The following TRDMT1 variants were observed in gnomAD, a reference collection of about 807,000 sequenced individuals.
TRDMT1 encodes the protein tRNA aspartic acid methyltransferase 1, also known as tRNA (cytosine(38)-C(5))-methyltransferase.
In TRDMT1, 49 loss-of-function variants were observed where a neutral mutation model predicts 51.2. That is an observed-to-expected ratio of 0.96 (90% CI 0.76 to 1.21). TRDMT1 has a LOEUF of 1.21. TRDMT1 is among the 50% of genes most tolerant of loss of function. The pLI is 0.00. For synonymous variants in TRDMT1, 187 were observed against 164.6 expected, an observed-to-expected ratio of 1.14 and a Z score of -1.04; for missense variants, 534 against 462.3, an observed-to-expected ratio of 1.16 and a Z score of -1.42.
At chr10:17,162,002 T>C (rs1228765953) in intron 4 of TRDMT1, among the ~76,000 whole-genome samples, 164 bp downstream of exon 4, 1 of 152,190 alleles carries the variant, frequency 6.6e-6, no homozygotes, top group Non-Finnish European at 1.5e-5. Context: ...GTGAAACATT[T>C]GCAGTTACTC....
At chr10:17,191,451 C>T (rs10490958) in intron 1 of TRDMT1, among the ~76,000 whole-genome samples, 41,373 of 152,082 alleles carry the variant, frequency 0.27, 5,913 homozygotes, top group Middle Eastern at 0.37. Flanking sequence ...GATGCTTTAT[C>T]TGGAAGGAAA....
chr10:17,144,060 G>A lies in TRDMT1; in HGVS notation c.*4980C>T, dbSNP rs974566278. The A allele has an allele frequency of 1.0e-6, 1 of 985,342 alleles. No individual in the cohort carries two copies. Among genetic ancestry groups the A allele is most frequent in the Non-Finnish European group, 1.2e-6 (1 of 829,956 alleles). 61.0% of individuals were successfully genotyped at this position (985,342 alleles called of 1,614,324 possible). A position where few individuals can be genotyped will look rare whatever the true frequency, so the allele number is the denominator to read the frequency against. On this transcript the variant is annotated 3_prime_UTR_variant, in exon 11 of 11. Coordinates refer to ENST00000377799, the MANE Select transcript of TRDMT1 (RefSeq NM_004412.7). ...GCAAAATGGCTGAAGTTGTAGGAAA[G>A]GGTGAGAATCTCTAAGAAAAATGGC...
intron 1 of TRDMT1, among the ~76,000 whole-genome samples, chr10:17,176,819 C>A (rs574471693): frequency 3.3e-5 from 5 of 152,232 alleles, no homozygotes; most frequent in African/African-American, 4.8e-5. Context: ...TCTTAGTATA[C>A]AGTTTAAATC....
chr10:17,163,587 G>T (rs1840732519), intron 3 of TRDMT1, among the ~76,000 whole-genome samples: 1 of 152,014 alleles, frequency 6.6e-6, no homozygotes, highest in Admixed American at 6.6e-5. Flanking sequence ...CCAGGAGCTG[G>T]TTTTTTGAAA....
intron 8 of TRDMT1, among the ~76,000 whole-genome samples, chr10:17,155,749 G>GA (rs1298094840): frequency 6.6e-6 from 1 of 151,982 alleles, no homozygotes; most frequent in African/African-American, 2.4e-5. Context: ...GAATTAGAGG[G>GA]AAAAAGTCAA....
intron 8 of TRDMT1, among the ~76,000 whole-genome samples, chr10:17,157,175 C>T (rs192188611): frequency 1.3e-3 from 202 of 152,212 alleles, no homozygotes; most frequent in Middle Eastern, 3.4e-3. Context: ...GTCTCCACTA[C>T]GGGTATTTAA....
At chr10:17,174,730 C>T (rs772277373) in intron 1 of TRDMT1, 70 bp from the exon 2 acceptor site, 132 of 1,139,786 alleles carry the variant, frequency 1.2e-4, no homozygotes, top group Middle Eastern at 5.8e-4. Flanking sequence ...ATCAAAATAG[C>T]AGAATTTAGT....
intron 1 of TRDMT1, among the ~76,000 whole-genome samples, chr10:17,188,270 G>A (rs1447552659): frequency 6.6e-6 from 1 of 152,076 alleles, no homozygotes. Flanking sequence ...TATAATTCCA[G>A]GTAATATCTT....
Position 17,148,719 on chromosome 10 carries a change from T to C in TRDMT1, c.*321A>G. On this transcript the variant is annotated 3_prime_UTR_variant, in exon 11 of 11. Coordinates refer to ENST00000377799, the MANE Select transcript of TRDMT1 (RefSeq NM_004412.7). ...CCTGTTATGACACTTCACAAGATAC[T>C]CATGTAGACACTAAAGCTCTAGTGC... is the stretch of plus-strand genomic sequence containing the variant. The C allele has an allele frequency of 1.0e-6, 1 of 998,976 alleles. No individual in the cohort carries two copies. The highest frequency in any genetic ancestry group is 1.2e-6 in the Non-Finnish European group (1 of 838,748). 61.9% of individuals were successfully genotyped at this position (998,976 alleles called of 1,614,324 possible). A position where few individuals can be genotyped will look rare whatever the true frequency, so the allele number is the denominator to read the frequency against.
chr10:17,158,971 A>G (rs1001860389), intron 7 of TRDMT1, among the ~76,000 whole-genome samples, 175 bp downstream of exon 7: 2 of 152,140 alleles, frequency 1.3e-5, no homozygotes, highest in African/African-American at 4.8e-5. Context: ...TAAAACAATA[A>G]AAGTGGCAAG....
intron 9 of TRDMT1, among the ~76,000 whole-genome samples, chr10:17,154,364 T>C (rs574084774): frequency 2.6e-5 from 4 of 152,262 alleles, no homozygotes; most frequent in Admixed American, 2.0e-4. Context: ...AAGATGTTTG[T>C]ACAACATTTT....
intron 6 of TRDMT1, 30 bp from the exon 7 acceptor site, chr10:17,159,259 C>G (rs376227756): frequency 1.3e-6 from 2 of 1,530,364 alleles, no homozygotes; most frequent in African/African-American, 2.8e-5. Context: ...GTTAGTTACT[C>G]TAAAAAATTA....
intron 1 of TRDMT1, among the ~76,000 whole-genome samples, chr10:17,186,878 C>T (rs1844007224): frequency 3.3e-5 from 5 of 152,166 alleles, no homozygotes; most frequent in South Asian, 4.1e-4. Flanking sequence ...CATTTAATGG[C>T]AAGCGAAAAT....
At chr10:17,153,870 T>C (rs1467703259) in intron 9 of TRDMT1, among the ~76,000 whole-genome samples, 1 of 152,110 alleles carries the variant, frequency 6.6e-6, no homozygotes, top group Non-Finnish European at 1.5e-5. Context: ...TTTTTCAGGG[T>C]GTCTGTCATT....
At position 17,148,451 on chromosome 10, in the gene TRDMT1, G is replaced by A; in HGVS notation, c.*589C>T. On this transcript the variant is annotated 3_prime_UTR_variant, in exon 11 of 11. Transcript: ENST00000377799. Reference sequence around the variant, plus strand: ...TAGATAATGTGCACCAACAGTTTCTGTGGCCGCTTCATGGAGAGGTAATCA... The same window carrying A: ...TAGATAATGTGCACCAACAGTTTCTATGGCCGCTTCATGGAGAGGTAATCA... The A allele has an allele frequency of 2.0e-6, 2 of 985,444 alleles. No individual in the cohort carries two copies. The highest frequency in any genetic ancestry group is 2.4e-6 in the Non-Finnish European group (2 of 829,936). 61.0% of individuals were successfully genotyped at this position (985,444 alleles called of 1,614,324 possible).
chr10:17,172,012 CTACAG>C (rs1415615281), intron 2 of TRDMT1: 1 of 166,968 alleles, frequency 6.0e-6, no homozygotes, highest in Non-Finnish European at 1.5e-5. Flanking sequence ...ATCATTTACT[CTACAG>C]TATGTAACTG....
chr10:17,153,955 A>T (rs1400175914), intron 9 of TRDMT1, among the ~76,000 whole-genome samples: 1 of 152,222 alleles, frequency 6.6e-6, no homozygotes, highest in Admixed American at 6.5e-5. Flanking sequence ...AATGCAAAAG[A>T]AGCTTGACAA....
At chr10:17,163,237 T>C (rs574916138) in intron 3 of TRDMT1, among the ~76,000 whole-genome samples, 1 of 152,150 alleles carries the variant, frequency 6.6e-6, no homozygotes, top group African/African-American at 2.4e-5. Context: ...CAAGAAAGAT[T>C]CACAACATGA....
Position 17,147,447 on chromosome 10 carries a change from G to A in TRDMT1, c.*1593C>T. 1.4e-6 allele frequency: 1 copy of A among 720,352 alleles called. No homozygotes were observed. The highest frequency in any genetic ancestry group is 1.7e-6 in the Non-Finnish European group (1 of 588,188). 44.6% of individuals were successfully genotyped at this position (720,352 alleles called of 1,614,324 possible). ...TTTAACTATTTTTAAATATACAGTT[G>A]CAGTGGCATTAAGTACACTCACACT... is the stretch of plus-strand genomic sequence containing the variant. On this transcript the variant is annotated 3_prime_UTR_variant, in exon 11 of 11. Coordinates refer to ENST00000377799, the MANE Select transcript of TRDMT1 (RefSeq NM_004412.7).
Sources: allele counts gnomAD v4.1 joint callset (sites outside exome capture counted in the v4.1 genomes callset), GRCh38; gene constraint gnomAD v4.1.1; transcripts MANE v1.5; gene names NCBI Gene and HGNC (gene_info 2026-07-23, HGNC 2026-07-21).